The following MPHOSPH10 variants were observed in gnomAD, a reference collection of about 807,000 sequenced individuals.
MPHOSPH10 encodes M-phase phosphoprotein 10.
In MPHOSPH10, 33 loss-of-function variants were observed where a neutral mutation model predicts 77.3. That is an observed-to-expected ratio of 0.43 (90% CI 0.32 to 0.57). The LOEUF is 0.57. Ranked by LOEUF, MPHOSPH10 falls within the 20% of genes least tolerant of loss-of-function variation. The pLI is 0.07. For synonymous variants in MPHOSPH10, 245 were observed against 268.0 expected, an observed-to-expected ratio of 0.91 and a Z score of 0.84; for missense variants, 708 against 780.1, an observed-to-expected ratio of 0.91 and a Z score of 1.10.
chr2:71,142,027 AT>A (rs760586255), intron 7 of MPHOSPH10, among the ~76,000 whole-genome samples: 2 of 143,144 alleles, frequency 1.4e-5, no homozygotes, highest in Non-Finnish European at 3.1e-5. Flanking sequence ...GTGAGACTCC[AT>A]CTCAAAAAAA....
At chr2:71,137,136 AAGAC>A (rs982625692) in intron 4 of MPHOSPH10, among the ~76,000 whole-genome samples, 6 of 152,154 alleles carry the variant, frequency 3.9e-5, no homozygotes, top group Non-Finnish European at 7.3e-5. Context: ...ATATGTCAGA[AAGAC>A]ATTTGATAAA....
At position 71,139,832 on chromosome 2, in the gene MPHOSPH10, A is replaced by C; in HGVS notation, c.1278A>C (p.Glu426Asp). The C allele has an allele frequency of 6.2e-7, 1 of 1,609,056 alleles. No homozygotes were observed. The highest frequency in any genetic ancestry group is 8.5e-7 in the Non-Finnish European group (1 of 1,178,020). ...VITEETTLQL[E>D]DIIKQRIRDQ... is the part of the protein sequence containing the mutation. The stretch of plus-strand genomic sequence containing the variant: ...CAGAGGAAACCACCCTTCAACTGGA[A>C]GATATCATTAAACAGAGGATAAGAG... The change falls in exon 6 of 11, where the codon GAA becomes GAC. Residue 426 changes from glutamate to aspartate, a missense_variant. Physicochemically the swap from Glu to Asp is conservative, Grantham distance 45. This residue lies in a region of MPHOSPH10 where 263 missense variants were observed against 320.0 expected (regional missense o/e 0.82). Coordinates refer to ENST00000244230, the MANE Select transcript of MPHOSPH10 (RefSeq NM_005791.3).
chr2:71,144,667 G>A (rs765941419), intron 8 of MPHOSPH10, 129 bp downstream of exon 8: 2 of 686,494 alleles, frequency 2.9e-6, no homozygotes, highest in Admixed American at 2.9e-5. Flanking sequence ...TCCAGGCAGG[G>A]TCTCCATGAG....
rs867200654 is a variant in MPHOSPH10, at chr2:71,136,426, G to A, written c.1098+1629G>A. Among the ~76,000 whole-genome samples, 16 of 151,970 alleles carry A rather than the reference G, an allele frequency of 1.1e-4. 1 individual carries two copies. Among genetic ancestry groups the A allele is most frequent in the Middle Eastern group, 3.4e-3 (1 of 294 alleles). On this transcript the variant is annotated intron_variant, in intron 4 of 10. Coordinates refer to ENST00000244230, the MANE Select transcript of MPHOSPH10 (RefSeq NM_005791.3). Reference sequence around the variant, plus strand: ...GCTACTCGAGAGGCTGATGGGGGAGGATCTCTTGAGTCCAGGAGTTCAAGG... The same window carrying A: ...GCTACTCGAGAGGCTGATGGGGGAGAATCTCTTGAGTCCAGGAGTTCAAGG...
At chr2:71,149,576 G>A in intron 10 of MPHOSPH10, 123 bp downstream of exon 10, 1 of 923,470 alleles carries the variant, frequency 1.1e-6, no homozygotes, top group Non-Finnish European at 1.6e-6. Flanking sequence ...GATGCATGAT[G>A]CTGACTGGCT....
In MPHOSPH10 at chr2:71,138,408, CT is replaced by C. The variant is rs1673538134; in HGVS notation, c.1099-77del. 14 of 1,155,446 alleles carry C rather than the reference CT, an allele frequency of 1.2e-5. No individual in the cohort carries two copies. The South Asian group carries it at 2.4e-4, about 20-fold the overall frequency. The allele number at this position is 1,155,446 out of a possible 1,614,324, so 71.6% of individuals were successfully genotyped here. The stretch of plus-strand genomic sequence containing the variant: ...GAACAGTACGTTTCTTGCTTTCCCA[CT>C]TTTTAAATTATTTTTTGCTTTTACA... On this transcript the variant is annotated intron_variant, in intron 4 of 10. Coordinates refer to ENST00000244230, the MANE Select transcript of MPHOSPH10 (RefSeq NM_005791.3).
At chr2:71,147,923 T>A in intron 8 of MPHOSPH10, 76 bp from the exon 9 acceptor site, 1 of 1,110,888 alleles carries the variant, frequency 9.0e-7, no homozygotes. Context: ...TACTTTAAGT[T>A]AATAGGTTCA....
At chr2:71,144,228 C>T in intron 7 of MPHOSPH10, 200 bp from the exon 8 acceptor site, 1 of 488,626 alleles carries the variant, frequency 2.0e-6, no homozygotes. Flanking sequence ...GTTACTGTAG[C>T]TCCTAAAATG....
chr2:71,138,784 C>T (rs190916088), intron 5 of MPHOSPH10, 153 bp downstream of exon 5: 207 of 1,114,390 alleles, frequency 1.9e-4, no homozygotes, highest in Non-Finnish European at 2.5e-4. Flanking sequence ...CCTGTAATCC[C>T]GGCACTTTGG....
In MPHOSPH10 at chr2:71,141,321, A is replaced by C; in HGVS notation, c.1398A>C (p.Lys466Asn). The C allele has an allele frequency of 6.4e-7, 1 of 1,569,396 alleles. No homozygotes were observed. The highest frequency in any genetic ancestry group is 2.4e-5 in the East Asian group (1 of 41,756). Residue 466 changes from lysine to asparagine, a missense_variant, in exon 7 of 11, where the codon AAA becomes AAC. Transcript: ENST00000244230. ...TAACCTTAGACCATGAGAAGAGTAA[A>C]TTGAGCCTTGCTGAAATTTATGAAC... ...KRLTLDHEKS[K>N]LSLAEIYEQE...
intron 1 of MPHOSPH10, among the ~76,000 whole-genome samples, chr2:71,131,072 T>G (rs72903591): frequency 6.6e-6 from 1 of 152,160 alleles, no homozygotes. Flanking sequence ...CTATGTGCTC[T>G]CAAAGCACTT....
At chr2:71,141,206 T>C (rs763576252) in intron 6 of MPHOSPH10, 26 bp from the exon 7 acceptor site, 2 of 1,343,122 alleles carry the variant, frequency 1.5e-6, no homozygotes, top group East Asian at 2.8e-5. Flanking sequence ...GGTTTTGTTA[T>C]GTTCTACCTG....
Position 71,138,509 on chromosome 2 carries a change from C to T in MPHOSPH10, c.1118C>T (p.Ser373Phe), listed in dbSNP as rs1464811058. The T allele has an allele frequency of 6.3e-7, 1 of 1,585,504 alleles. No individual in the cohort carries two copies. The highest frequency in any genetic ancestry group is 2.2e-5 in the East Asian group (1 of 44,620). ...RQEKMNEKIA[S>F]LEKELLEKKP... is the part of the protein sequence containing the mutation. Reference sequence around the variant, plus strand: ...TCTTAGATGAATGAAAAAATTGCATCTTTAGAAAAAGAGTTGTTAGAAAAA... The same window carrying T: ...TCTTAGATGAATGAAAAAATTGCATTTTTAGAAAAAGAGTTGTTAGAAAAA... Residue 373 changes from serine (S) to phenylalanine (F), a missense_variant, in exon 5 of 11, where the codon TCT becomes TTT. Ser to Phe is a radical substitution (Grantham distance 155). Around this residue, in one of 3 missense-constraint regions of MPHOSPH10, gnomAD observed 433 missense variants for 432.6 expected, o/e 1.00. Transcript: ENST00000244230.
At chr2:71,146,519 G>T (rs1309454122) in intron 8 of MPHOSPH10, among the ~76,000 whole-genome samples, 2 of 151,968 alleles carry the variant, frequency 1.3e-5, no homozygotes, top group East Asian at 3.9e-4. Flanking sequence ...TGTATTTTTA[G>T]TAGAGACGGG....
chr2:71,133,072 A>G lies in MPHOSPH10; in HGVS notation c.264A>G (p.Leu88=), dbSNP rs1398525342. The G allele has an allele frequency of 1.2e-6, 2 of 1,614,210 alleles. No individual in the cohort carries two copies. The highest frequency in any genetic ancestry group is 2.2e-5 in the South Asian group (2 of 91,086). The change falls in exon 2 of 11, where the codon TTA becomes TTG. Residue 88 remains leucine, a synonymous_variant. Transcript: ENST00000244230. ...QQLELQNEPI[L]QYFQNAVSET... ...TGGAATTGCAAAATGAACCAATTTT[A>G]CAATACTTTCAGAATGCAGTTAGTG...
chr2:71,144,412 G>C lies in MPHOSPH10; in HGVS notation c.1447-16G>C. 1 of 1,574,884 alleles carries C rather than the reference G, an allele frequency of 6.3e-7. No homozygotes were observed. Among genetic ancestry groups the C allele is most frequent in the South Asian group, 1.1e-5 (1 of 90,002 alleles). ...TCAAGTCGCTTAGTTTGACATTGTT[G>C]AACTTATTTCCTAAGCAAAAAACAG... is the stretch of plus-strand genomic sequence containing the variant. On this transcript the variant is annotated splice_polypyrimidine_tract_variant and intron_variant, in intron 7 of 10. Transcript: ENST00000244230.
In MPHOSPH10 at chr2:71,132,936, C is replaced by T; in HGVS notation, c.128C>T (p.Thr43Ile). 1 of 1,611,946 alleles carries T rather than the reference C, an allele frequency of 6.2e-7. No homozygotes were observed. The highest frequency in any genetic ancestry group is 8.5e-7 in the Non-Finnish European group (1 of 1,178,824). Residue 43 changes from threonine (T) to isoleucine (I), a missense_variant, in exon 2 of 11, where the codon ACA becomes ATA. This residue lies in a region of MPHOSPH10 where 433 missense variants were observed against 432.6 expected (regional missense o/e 1.00). Coordinates refer to ENST00000244230, the MANE Select transcript of MPHOSPH10 (RefSeq NM_005791.3). Reference sequence around the variant, plus strand: ...TTGGCATCAAAGTTCACTTCTTTAACAAAAGTGCTTTATGACTTTAATAAA... The same window carrying T: ...TTGGCATCAAAGTTCACTTCTTTAATAAAAGTGCTTTATGACTTTAATAAA... ...EGLASKFTSL[T>I]KVLYDFNKIL...
At chr2:71,137,233 T>TG (rs1055685127) in intron 4 of MPHOSPH10, among the ~76,000 whole-genome samples, 68 of 152,222 alleles carry the variant, frequency 4.5e-4, no homozygotes, top group African/African-American at 1.6e-3. Flanking sequence ...TCATGCATGA[T>TG]GCATGCATCA....
chr2:71,146,013 G>A (rs550834430), intron 8 of MPHOSPH10, among the ~76,000 whole-genome samples: 4 of 152,160 alleles, frequency 2.6e-5, no homozygotes, highest in Non-Finnish European at 5.9e-5. Flanking sequence ...TTGCACATTT[G>A]CAGTCATTCG....
Sources: gnomAD v4.1 joint callset for allele counts (sites outside exome capture counted in the v4.1 genomes callset) on GRCh38, gnomAD v4.1.1 for gene constraint, gnomAD v4.1.1 regional missense constraint, MANE v1.5 for transcripts, NCBI Gene and HGNC (gene_info 2026-07-23, HGNC 2026-07-21) for gene names.